The following PABPC1 variants were observed in gnomAD, a reference collection of about 807,000 sequenced individuals.
The protein encoded by PABPC1 is polyadenylate-binding protein 1.
PABPC1 carries 4 observed loss-of-function variants against 74.0 expected under a neutral mutation model. The observed-to-expected ratio is 0.05, with a 90% CI of 0.03 to 0.12. The LOEUF (loss-of-function observed/expected upper bound fraction) is 0.12. PABPC1 is among the 10% of genes least tolerant of loss of function. PABPC1 has a pLI of 1.00. For synonymous variants in PABPC1, 227 were observed against 264.1 expected (o/e 0.86, Z 1.36); for missense variants, 271 against 821.1 (o/e 0.33, Z 8.19).
In PABPC1 at chr8:100,717,753, G is replaced by A. The variant is rs1331460588; in HGVS notation, c.503+20C>T. ...AAAAATAAGATTCAAAATATGATTA[G>A]CTAGATATTTATAACTTACACTTTG... On this transcript the variant is annotated intron_variant, in intron 3 of 14. Transcript: ENST00000318607. 2.3e-6 allele frequency: 3 copies of A among 1,300,250 alleles called. No individual in the cohort carries two copies. Among genetic ancestry groups the A allele is most frequent in the Non-Finnish European group, 3.3e-6 (3 of 904,264 alleles). 80.5% of individuals were successfully genotyped at this position (1,300,250 alleles called of 1,614,324 possible).
At chr8:100,713,289 T>C (rs1037573097) in intron 4 of PABPC1, 108 bp from the exon 5 acceptor site, 2 of 576,610 alleles carry the variant, frequency 3.5e-6, no homozygotes, top group Non-Finnish European at 5.8e-6. Context: ...GCTCCGTAAC[T>C]TGACTCCTCC....
At chr8:100,718,586 CTTT>C (rs895953419) in intron 1 of PABPC1, among the ~76,000 whole-genome samples, 7 of 152,290 alleles carry the variant, frequency 4.6e-5, no homozygotes, top group South Asian at 4.1e-4. Context: ...ATCTAAAGCA[CTTT>C]TTTTCCTAGT....
At chr8:100,717,926 ATTGAT>A (rs1232650752) in intron 2 of PABPC1, 38 bp from the exon 3 acceptor site, 9 of 1,471,436 alleles carry the variant, frequency 6.1e-6, no homozygotes, top group African/African-American at 1.4e-5. Context: ...TTTATTTGCT[ATTGAT>A]TTAACATTTG....
In PABPC1 at chr8:100,704,326, T is replaced by C; in HGVS notation, c.1883A>G (p.Asn628Ser). 2 of 1,614,074 alleles carry C rather than the reference T, an allele frequency of 1.2e-6. No individual in the cohort carries two copies. The highest frequency in any genetic ancestry group is 1.3e-5 in the African/African-American group (1 of 75,030). The change falls in exon 14 of 15, where the codon AAC becomes AGC. Residue 628 changes from asparagine to serine, a missense_variant. By Grantham distance (46) the Asn-to-Ser change is conservative. This residue lies in a region of PABPC1 where 23 missense variants were observed against 48.1 expected (regional missense o/e 0.48). Transcript: ENST00000318607. ...QAKEAAQKAVNSATGVPTV is the reference protein window; with the variant it reads ...QAKEAAQKAVSSATGVPTV Reference sequence around the variant, plus strand: ...AACAGTTGGAACACCGGTGGCACTGTTAACTGCTTTCTGGGCAGCCTCTTT... The same window carrying C: ...AACAGTTGGAACACCGGTGGCACTGCTAACTGCTTTCTGGGCAGCCTCTTT...
chr8:100,712,833 C>G, intron 5 of PABPC1, 44 bp from the exon 6 acceptor site: 2 of 1,523,070 alleles, frequency 1.3e-6, no homozygotes, highest in South Asian at 2.6e-5. Flanking sequence ...ACAAAACTTT[C>G]AACTTACAGT....
chr8:100,712,824 C>T (rs1367429099), intron 5 of PABPC1, 35 bp from the exon 6 acceptor site: 13 of 1,480,548 alleles, frequency 8.8e-6, no homozygotes, highest in Admixed American at 4.8e-5. Context: ...AAAAAAATCA[C>T]AAAACTTTCA....
At chr8:100,711,932 T>TA (rs1315608934) in intron 7 of PABPC1, among the ~76,000 whole-genome samples, 1 of 152,274 alleles carries the variant, frequency 6.6e-6, no homozygotes, top group Admixed American at 6.5e-5. Flanking sequence ...TGTACTAGAA[T>TA]ACTACTGCTT....
intron 7 of PABPC1, among the ~76,000 whole-genome samples, chr8:100,712,056 A>G (rs1315581675): frequency 2.0e-5 from 3 of 152,262 alleles, no homozygotes; most frequent in Admixed American, 6.5e-5. Context: ...AGAAATGAAT[A>G]AACAGATCAG....
At chr8:100,712,972 C>A (rs970633424) in intron 5 of PABPC1, 115 bp downstream of exon 5, 34 of 1,029,516 alleles carry the variant, frequency 3.3e-5, no homozygotes, top group Non-Finnish European at 3.6e-5. Flanking sequence ...GCATAAAATG[C>A]AAATAACTGA....
chr8:100,714,487 T>A (rs993367218), intron 4 of PABPC1, among the ~76,000 whole-genome samples: 1 of 152,148 alleles, frequency 6.6e-6, no homozygotes, highest in African/African-American at 2.4e-5. Flanking sequence ...TCCCAGCACT[T>A]TGGGAGGCCG....
At chr8:100,719,388 GTTT>G (rs34795139) in intron 1 of PABPC1, among the ~76,000 whole-genome samples, 2 of 142,250 alleles carry the variant, frequency 1.4e-5, no homozygotes, top group Non-Finnish European at 3.1e-5. Flanking sequence ...AGCTTCCCTA[GTTT>G]TTTTTTTTTT....
chr8:100,708,235 C>T (rs184311429), intron 9 of PABPC1, among the ~76,000 whole-genome samples: 2 of 152,254 alleles, frequency 1.3e-5, no homozygotes, highest in African/African-American at 4.8e-5. Context: ...GAAACATAAT[C>T]ATGATAAAAT....
chr8:100,704,174 G>T (rs2129662804), intron 14 of PABPC1, 123 bp downstream of exon 14: 1 of 724,942 alleles, frequency 1.4e-6, no homozygotes, highest in Non-Finnish European at 2.4e-6. Flanking sequence ...TGAAAAATTA[G>T]CAATACATTT....
At chr8:100,705,774 A>C (rs1252423075) in intron 11 of PABPC1, 101 bp from the exon 12 acceptor site, 1 of 766,832 alleles carries the variant, frequency 1.3e-6, no homozygotes, top group East Asian at 2.7e-5. Context: ...ACTTCCATCG[A>C]AACATGAGGT....
chr8:100,706,874 G>A lies in PABPC1; in HGVS notation c.1447+13C>T. 2.1e-6 allele frequency: 2 copies of A among 953,488 alleles called. No homozygotes were observed. The highest frequency in any genetic ancestry group is 2.8e-6 in the Non-Finnish European group (2 of 723,444). The allele number at this position is 953,488 out of a possible 1,614,324, so 59.1% of individuals were successfully genotyped here. A position where few individuals can be genotyped will look rare whatever the true frequency, so the allele number is the denominator to read the frequency against. ...ATTGGTGATCAATTTTTAAAGGAAG[G>A]ATTAAGACTCACCAACACGCTGTGT... On this transcript the variant is annotated intron_variant, in intron 10 of 14. Transcript: ENST00000318607.
At chr8:100,707,046 T>C (rs1170642343) in intron 9 of PABPC1, 49 bp from the exon 10 acceptor site, 1 of 1,336,336 alleles carries the variant, frequency 7.5e-7, no homozygotes, top group Admixed American at 1.8e-5. Flanking sequence ...ACTTACTGAG[T>C]GAAAAGTGTT....
chr8:100,707,362 T>A (rs1157892572), intron 9 of PABPC1, among the ~76,000 whole-genome samples: 1 of 150,864 alleles, frequency 6.6e-6, no homozygotes, highest in Non-Finnish European at 1.5e-5. Context: ...TGGCCCTGAA[T>A]GTCTGGCTGC....
chr8:100,712,599 AAAAT>A (rs1810557401), intron 6 of PABPC1, 49 bp downstream of exon 6: 2 of 1,573,830 alleles, frequency 1.3e-6, no homozygotes, highest in African/African-American at 2.7e-5. Context: ...AAATCAACGT[AAAAT>A]AGGTTTCCTC....
chr8:100,719,531 C>T (rs1810757815), intron 1 of PABPC1, among the ~76,000 whole-genome samples: 1 of 152,040 alleles, frequency 6.6e-6, no homozygotes. Context: ...AAGAAATCCA[C>T]TTAAGTAATT....
Sources: allele counts gnomAD v4.1 joint callset (sites outside exome capture counted in the v4.1 genomes callset), GRCh38; gene constraint gnomAD v4.1.1; regional missense constraint gnomAD v4.1.1; transcripts MANE v1.5; gene names NCBI Gene and HGNC (gene_info 2026-07-23, HGNC 2026-07-21).